Variants in PTPRG observed in about 807,000 individuals in gnomAD.
The protein encoded by PTPRG is receptor-type tyrosine-protein phosphatase gamma.
A neutral mutation model predicts 165.3 loss-of-function variants in PTPRG; 102 were observed. That is an observed-to-expected ratio of 0.62 (90% confidence interval 0.53 to 0.73). PTPRG has a LOEUF of 0.73. Ranked by LOEUF, PTPRG falls within the 30% of genes least tolerant of loss-of-function variation. The pLI, the probability that PTPRG is intolerant of heterozygous loss-of-function variation, is 0.00. For synonymous variants in PTPRG, 675 were observed against 669.5 expected, an observed-to-expected ratio of 1.01 and a Z score of -0.13; for missense variants, 1,866 against 1,861.4, an observed-to-expected ratio of 1.00 and a Z score of -0.05.
chr3:61,954,237 C>A (rs2107630229), intron 2 of PTPRG, among the ~76,000 whole-genome samples: 1 of 152,284 alleles, frequency 6.6e-6, no homozygotes, highest in African/African-American at 2.4e-5. Flanking sequence ...GCATGGTTCC[C>A]TGTTAAAGTT....
Position 62,273,973 on chromosome 3 carries a change from C to A in PTPRG, c.3465+129C>A. ...GATTACTATTTGTACTCCTTGTACT[C>A]CTTAAATGTGATGAAAAAGAAAATA... On this transcript the variant is annotated intron_variant, in intron 23 of 29. Transcript: ENST00000474889. The surrounding 1 kb of genome is among the most constrained non-coding windows in gnomAD (Gnocchi z 4.1). 1.1e-6 allele frequency: 1 copy of A among 886,856 alleles called. No homozygotes were observed. Among genetic ancestry groups the A allele is most frequent in the Non-Finnish European group, 1.7e-6 (1 of 593,596 alleles). 54.9% of individuals were successfully genotyped at this position (886,856 alleles called of 1,614,324 possible).
chr3:61,571,273 G>A (rs1700048610), intron 1 of PTPRG, among the ~76,000 whole-genome samples: 1 of 152,140 alleles, frequency 6.6e-6, no homozygotes, highest in African/African-American at 2.4e-5. Context: ...GAGCGGTGGG[G>A]GGCGGTGACT....
intron 15 of PTPRG, among the ~76,000 whole-genome samples, chr3:62,246,922 C>T (rs968042447): frequency 1.1e-4 from 16 of 152,038 alleles, no homozygotes; most frequent in African/African-American, 3.9e-4. Flanking sequence ...ACAGACATAA[C>T]TAGTAAACTG....
chr3:61,965,487 C>CAAAAAA (rs56210593), intron 2 of PTPRG, among the ~76,000 whole-genome samples: 1 of 80,206 alleles, frequency 1.2e-5, no homozygotes, highest in Non-Finnish European at 2.5e-5. Flanking sequence ...GACTCCGTCT[C>CAAAAAA]AAAAAAAAAA....
intron 1 of PTPRG, among the ~76,000 whole-genome samples, chr3:61,714,426 A>G (rs2031712690): frequency 6.6e-6 from 1 of 152,182 alleles, no homozygotes; most frequent in Admixed American, 6.5e-5. Flanking sequence ...CTGGAATGTG[A>G]ATACAATGGC....
intron 5 of PTPRG, among the ~76,000 whole-genome samples, chr3:62,112,665 G>C (rs1395341250): frequency 6.6e-6 from 1 of 152,190 alleles, no homozygotes; most frequent in Non-Finnish European, 1.5e-5. Flanking sequence ...CTGGGCATTA[G>C]AGGCAGGGAC....
At chr3:61,624,236 TC>T (rs1386282998) in intron 1 of PTPRG, among the ~76,000 whole-genome samples, 1 of 152,060 alleles carries the variant, frequency 6.6e-6, no homozygotes, top group South Asian at 2.1e-4. Context: ...GCTTTTAACT[TC>T]CCTGGGCCTC....
intron 4 of PTPRG, among the ~76,000 whole-genome samples, chr3:62,077,189 C>G (rs77097998): frequency 0.061 from 9,342 of 151,990 alleles, 414 homozygotes; most frequent in South Asian, 0.11. Flanking sequence ...TCTACTGAGC[C>G]TAGGAGATGG....
chr3:61,915,734 G>A (rs907910100), intron 2 of PTPRG, among the ~76,000 whole-genome samples: 4 of 152,130 alleles, frequency 2.6e-5, no homozygotes, highest in Non-Finnish European at 2.9e-5. Context: ...GATGCTCTAT[G>A]TAAATGGAAA....
At position 62,008,361 on chromosome 3, in the gene PTPRG, C is replaced by A. The variant is rs148778836; in HGVS notation, c.519+4864C>A. On this transcript the variant is annotated intron_variant, in intron 4 of 29. Coordinates refer to ENST00000474889, the MANE Select transcript of PTPRG (RefSeq NM_002841.4). ...CACGGGAGTTGTTGATTCAGACTTA[C>A]TGGTGCTTTATGAGTTGAAGTCTTC... Among the ~76,000 whole-genome samples, 247 of 152,304 alleles carry A rather than the reference C, an allele frequency of 1.6e-3. 1 individual carries two copies. Among genetic ancestry groups the A allele is most frequent in the African/African-American group, 5.8e-3 (242 of 41,576 alleles).
intron 4 of PTPRG, among the ~76,000 whole-genome samples, chr3:62,071,158 GTCGT>G (rs1364222091): frequency 1.3e-5 from 2 of 152,176 alleles, no homozygotes; most frequent in East Asian, 3.9e-4. Flanking sequence ...TGTCTATTGA[GTCGT>G]TCAGTAGATT....
At chr3:61,835,176 C>G (rs1164196556) in intron 2 of PTPRG, among the ~76,000 whole-genome samples, 4 of 152,162 alleles carry the variant, frequency 2.6e-5, no homozygotes, top group Non-Finnish European at 5.9e-5. Flanking sequence ...GTGGCAGAGG[C>G]AGGCTGCCTT....
rs1553657854 is a variant in PTPRG, at chr3:61,738,324, A to ATG, written c.86-10553_86-10552insGT. Among the ~76,000 whole-genome samples, 11 of 93,654 alleles carry ATG rather than the reference A, an allele frequency of 1.2e-4. 1 individual carries two copies. Among genetic ancestry groups the ATG allele is most frequent in the African/African-American group, 3.8e-4 (10 of 26,364 alleles). 61.4% of individuals were successfully genotyped at this position (93,654 alleles called of 152,430 possible). A position where few individuals can be genotyped will look rare whatever the true frequency, so the allele number is the denominator to read the frequency against. On this transcript the variant is annotated intron_variant, in intron 1 of 29. Transcript: ENST00000474889. ...TATATATATATATACATATATATAT[A>ATG]TATATATATATATGTATATATATAT... is the stretch of plus-strand genomic sequence containing the variant.
chr3:61,884,490 C>T (rs1171806473), intron 2 of PTPRG, among the ~76,000 whole-genome samples: 3 of 152,072 alleles, frequency 2.0e-5, no homozygotes, highest in Non-Finnish European at 4.4e-5. Flanking sequence ...TAGAGTTGAC[C>T]TGCCTAGAAG....
intron 2 of PTPRG, among the ~76,000 whole-genome samples, chr3:61,860,718 A>G (rs2037242230): frequency 6.6e-6 from 1 of 152,112 alleles, no homozygotes; most frequent in Admixed American, 6.5e-5. Context: ...TGCCGGGATT[A>G]CAGGTGTGAG....
chr3:62,267,947 C>G, intron 19 of PTPRG, 128 bp downstream of exon 19: 1 of 1,050,928 alleles, frequency 9.5e-7, no homozygotes, highest in Non-Finnish European at 1.4e-6. Flanking sequence ...GTTCTCTCTG[C>G]TTTATCTTGC....
rs200116984 is a variant in PTPRG, at chr3:61,801,458, A to AT, written c.190+52484dup. 4.2e-3 allele frequency among the ~76,000 whole-genome samples: 642 copies of AT among 151,528 alleles called. 4 individuals are homozygous for AT. Among genetic ancestry groups the AT allele is most frequent in the African/African-American group, 0.015 (621 of 41,294 alleles). ...AAGTAGCTGGGACTACATAAATATA[A>AT]TTTTTTTTACACACATACATAGAAG... is the stretch of plus-strand genomic sequence containing the variant. On this transcript the variant is annotated intron_variant, in intron 2 of 29. Transcript: ENST00000474889.
chr3:61,777,464 T>A (rs2034421755), intron 2 of PTPRG, among the ~76,000 whole-genome samples: 1 of 152,246 alleles, frequency 6.6e-6, no homozygotes, highest in Non-Finnish European at 1.5e-5. Flanking sequence ...GGCAATACAT[T>A]TTCTAGGCCC....
intron 6 of PTPRG, among the ~76,000 whole-genome samples, chr3:62,136,165 G>A (rs748819995): frequency 5.3e-5 from 8 of 152,110 alleles, no homozygotes; most frequent in Non-Finnish European, 1.0e-4. Context: ...AAACAGTCCT[G>A]GCTCATTCTG....
Sources: allele counts gnomAD v4.1 joint callset (sites outside exome capture counted in the v4.1 genomes callset), GRCh38; gene constraint gnomAD v4.1.1; non-coding constraint Gnocchi (gnomAD v3.1); transcripts MANE v1.5; gene names NCBI Gene and HGNC (gene_info 2026-07-23, HGNC 2026-07-21).